NUDCD3: variants seen among roughly 807,000 people sequenced by gnomAD.
The protein encoded by NUDCD3 is NudC domain containing 3, also known as nudC domain-containing protein 3.
NUDCD3 carries 13 observed loss-of-function variants against 39.7 expected under a neutral mutation model. The observed-to-expected ratio is 0.33, with a 90% CI of 0.21 to 0.52. The LOEUF is 0.52. NUDCD3 is among the 20% of genes least tolerant of loss of function. The pLI is 0.96. For synonymous variants in NUDCD3, 175 were observed against 172.4 expected (o/e 1.02, Z -0.12); for missense variants, 453 against 458.1 (o/e 0.99, Z 0.10).
rs1411133327 is a variant in NUDCD3, at chr7:44,487,459, A to AG, written c.193-2176dup. 2.1e-5 allele frequency among the ~76,000 whole-genome samples: 3 copies of AG among 145,732 alleles called. No individual in the cohort carries two copies. In the East Asian group the frequency reaches 5.8e-4, roughly 28 times the overall value. On this transcript the variant is annotated intron_variant, in intron 1 of 5. Coordinates refer to ENST00000355451, the MANE Select transcript of NUDCD3 (RefSeq NM_015332.4). ...AGTCTTATGCCATCAAGTTAGGGAC[A>AG]GAAAAAAAAAAAAACCCTAAGAGGC...
At chr7:44,488,218 C>T (rs1375910667) in intron 1 of NUDCD3, among the ~76,000 whole-genome samples, 1 of 151,468 alleles carries the variant, frequency 6.6e-6, no homozygotes, top group East Asian at 1.9e-4. Context: ...ACCTGCAGTC[C>T]CAGCTACTCG....
intron 1 of NUDCD3, among the ~76,000 whole-genome samples, chr7:44,489,206 G>T (rs1025847969): frequency 1.3e-5 from 2 of 152,200 alleles, no homozygotes; most frequent in Non-Finnish European, 2.9e-5. Flanking sequence ...AGACACTGAA[G>T]ATCAAATGGC....
chr7:44,417,625 T>C (rs770243949), intron 3 of NUDCD3, among the ~76,000 whole-genome samples: 2 of 152,184 alleles, frequency 1.3e-5, no homozygotes, highest in Non-Finnish European at 2.9e-5. Context: ...TCCTAATTTA[T>C]TCAACTACAT....
chr7:44,436,602 A>T (rs1010270449), intron 2 of NUDCD3, among the ~76,000 whole-genome samples: 3 of 152,192 alleles, frequency 2.0e-5, no homozygotes, highest in Non-Finnish European at 4.4e-5. Flanking sequence ...GACTTTATAC[A>T]ATCTTGCCAA....
At chr7:44,405,822 G>A (rs1307117597) in intron 3 of NUDCD3, among the ~76,000 whole-genome samples, 1 of 152,084 alleles carries the variant, frequency 6.6e-6, no homozygotes, top group East Asian at 1.9e-4. Context: ...TAAGAGACAC[G>A]GCCTCACTGC....
intron 4 of NUDCD3, among the ~76,000 whole-genome samples, chr7:44,401,877 GGC>G (rs1798734167): frequency 6.6e-6 from 1 of 152,160 alleles, no homozygotes; most frequent in Non-Finnish European, 1.5e-5. Flanking sequence ...CGGGGGCCCT[GGC>G]ATGAAAGTTA....
intron 5 of NUDCD3, among the ~76,000 whole-genome samples, chr7:44,390,972 G>A (rs1164321521): frequency 1.3e-5 from 2 of 152,164 alleles, no homozygotes; most frequent in African/African-American, 4.8e-5. Flanking sequence ...GCCATGCCCC[G>A]GGTGGAAAAG....
At chr7:44,396,782 A>C (rs1295642731) in intron 4 of NUDCD3, among the ~76,000 whole-genome samples, 1 of 152,070 alleles carries the variant, frequency 6.6e-6, no homozygotes, top group Non-Finnish European at 1.5e-5. Context: ...AACCTTAAAA[A>C]CCACTGAATG....
At chr7:44,436,165 AT>A (rs1180324272) in intron 2 of NUDCD3, among the ~76,000 whole-genome samples, 1 of 152,216 alleles carries the variant, frequency 6.6e-6, no homozygotes, top group Non-Finnish European at 1.5e-5. Context: ...GTATTAGATG[AT>A]TTTAAGGAAT....
At chr7:44,404,022 T>C (rs891176706) in intron 4 of NUDCD3, among the ~76,000 whole-genome samples, 1 of 152,158 alleles carries the variant, frequency 6.6e-6, no homozygotes, top group Admixed American at 6.5e-5. Flanking sequence ...AGCTGTTCAT[T>C]TGGAGTCACA....
At chr7:44,404,720 T>C (rs1328138455) in intron 3 of NUDCD3, 137 bp from the exon 4 acceptor site, 11 of 830,390 alleles carry the variant, frequency 1.3e-5, no homozygotes, top group East Asian at 2.6e-5. Flanking sequence ...GGCATCTCAG[T>C]GAAGAAAACC....
Position 44,490,130 on chromosome 7 carries a change from C to T in NUDCD3, c.192+279G>A, listed in dbSNP as rs181920691. 26 of 373,170 alleles carry T rather than the reference C, an allele frequency of 7.0e-5. No individual in the cohort carries two copies. In the Admixed American group the frequency reaches 8.1e-4, roughly 12 times the overall value. The allele number at this position is 373,170 out of a possible 1,614,324, so 23.1% of individuals were successfully genotyped here. A position where few individuals can be genotyped will look rare whatever the true frequency, so the allele number is the denominator to read the frequency against. ...TGGATTTCGCTCCCTGACTAGCGGC[C>T]CCCAGCACCGTGAGGGGTACGCGCT... On this transcript the variant is annotated intron_variant, in intron 1 of 5. Coordinates refer to ENST00000355451, the MANE Select transcript of NUDCD3 (RefSeq NM_015332.4).
intron 2 of NUDCD3, among the ~76,000 whole-genome samples, chr7:44,464,966 G>A (rs1800090897): frequency 6.6e-6 from 1 of 152,114 alleles, no homozygotes; most frequent in Non-Finnish European, 1.5e-5. Context: ...GCCGAGCCGA[G>A]GGCAGGGCTC....
intron 2 of NUDCD3, among the ~76,000 whole-genome samples, chr7:44,443,880 T>C (rs1382121382): frequency 6.6e-6 from 1 of 152,128 alleles, no homozygotes; most frequent in Non-Finnish European, 1.5e-5. Flanking sequence ...GTAAAGTCAG[T>C]CTTCTTTATG....
intron 2 of NUDCD3, among the ~76,000 whole-genome samples, chr7:44,463,375 G>T (rs1199629855): frequency 6.6e-6 from 1 of 152,192 alleles, no homozygotes; most frequent in Non-Finnish European, 1.5e-5. Context: ...CCATCCCTGA[G>T]AACTAGCAGC....
intron 2 of NUDCD3, among the ~76,000 whole-genome samples, chr7:44,483,616 T>C (rs1055820750): frequency 2.6e-5 from 4 of 152,182 alleles, no homozygotes; most frequent in Non-Finnish European, 5.9e-5. Flanking sequence ...CATCAAACAA[T>C]TGTTTTCTTC....
intron 5 of NUDCD3, among the ~76,000 whole-genome samples, chr7:44,389,982 G>A (rs1055005531): frequency 1.3e-5 from 2 of 152,168 alleles, no homozygotes; most frequent in Non-Finnish European, 2.9e-5. Context: ...ATAAAGTTCT[G>A]TAAGAGATAC....
At chr7:44,442,951 C>T (rs960018870) in intron 2 of NUDCD3, among the ~76,000 whole-genome samples, 14 of 152,138 alleles carry the variant, frequency 9.2e-5, no homozygotes, top group African/African-American at 3.4e-4. Flanking sequence ...ATCCACCCAC[C>T]TTGGCCTCCC....
chr7:44,411,616 A>G (rs913491823), intron 3 of NUDCD3, among the ~76,000 whole-genome samples: 5 of 152,244 alleles, frequency 3.3e-5, no homozygotes, highest in African/African-American at 1.2e-4. Flanking sequence ...TTAAAAAACA[A>G]AACCAAAACA....
Sources: allele counts gnomAD v4.1 joint callset (sites outside exome capture counted in the v4.1 genomes callset), GRCh38; gene constraint gnomAD v4.1.1; transcripts MANE v1.5; gene names NCBI Gene and HGNC (gene_info 2026-07-23, HGNC 2026-07-21).